Variants in PARVB observed in about 807,000 individuals in gnomAD.
PARVB encodes beta-parvin.
A neutral mutation model predicts 47.0 loss-of-function variants in PARVB; 46 were observed. The ratio of observed to expected loss-of-function variants is 0.98; its 90% CI spans 0.77 to 1.25. The LOEUF is 1.25. PARVB is among the 50% of genes most tolerant of loss of function. The probability of loss-of-function intolerance (pLI) is 0.00; values close to 1 mark genes in which losing one functional copy is unlikely to be tolerated. For synonymous variants in PARVB, 196 were observed against 196.3 expected (o/e 1.00, Z 0.01); for missense variants, 473 against 471.6 (o/e 1.00, Z -0.03).
chr22:44,008,627 A>G (rs2050490954), intron 2 of PARVB, among the ~76,000 whole-genome samples: 1 of 152,144 alleles, frequency 6.6e-6, no homozygotes, highest in African/African-American at 2.4e-5. Context: ...TGGGTCTGCC[A>G]CTCTGAGGAC....
chr22:44,020,174 C>A (rs531081020), upstream of PARVB, among the ~76,000 whole-genome samples: 91 of 146,758 alleles, frequency 6.2e-4, no homozygotes, highest in African/African-American at 2.3e-3. Flanking sequence ...AGACAGTCAC[C>A]ACTTTTTTTT....
intron 1 of PARVB, among the ~76,000 whole-genome samples, chr22:44,087,459 G>A (rs1029402390): frequency 8.5e-5 from 13 of 152,224 alleles, no homozygotes; most frequent in Admixed American, 2.0e-4. Flanking sequence ...TCTTGGGCCC[G>A]TGATTGCAGG....
At chr22:44,168,479 A>C in intron 12 of PARVB, 123 bp from the exon 13 acceptor site, 1 of 697,460 alleles carries the variant, frequency 1.4e-6, no homozygotes, top group Non-Finnish European at 2.6e-6. Context: ...GCCAGTCTTT[A>C]AGGGGAAGCG....
chr22:44,025,360 C>T (rs192501489), intron 1 of PARVB, among the ~76,000 whole-genome samples: 3 of 152,226 alleles, frequency 2.0e-5, no homozygotes, highest in Admixed American at 2.0e-4. Flanking sequence ...GATGCAGGTC[C>T]CCCATTCATT....
chr22:44,060,581 G>A (rs1318311483), intron 1 of PARVB, among the ~76,000 whole-genome samples: 1 of 152,044 alleles, frequency 6.6e-6, no homozygotes, highest in Non-Finnish European at 1.5e-5. Context: ...CTGGGTAAAT[G>A]TCATCTAGTA....
Position 44,049,017 on chromosome 22 carries a change from A to T in PARVB, c.112+24566A>T, listed in dbSNP as rs2051162012. Among the ~76,000 whole-genome samples the T allele has an allele frequency of 6.6e-6, 1 of 152,138 alleles. No individual in the cohort carries two copies. Among genetic ancestry groups the T allele is most frequent in the Non-Finnish European group, 1.5e-5 (1 of 68,028 alleles). The stretch of plus-strand genomic sequence containing the variant: ...TTTCACTCCATTTTGCCGAGGAGGG[A>T]ACAGAAGTGTGGAGTCCTCCCAGCC... On this transcript the variant is annotated intron_variant, in intron 1 of 12. Transcript: ENST00000338758. This position sits in a 1 kb window ranked among gnomAD's most constrained non-coding sequence, Gnocchi z 4.0.
At chr22:44,116,948 G>A (rs2147119023) in intron 3 of PARVB, among the ~76,000 whole-genome samples, 1 of 152,290 alleles carries the variant, frequency 6.6e-6, no homozygotes, top group African/African-American at 2.4e-5. Flanking sequence ...GGGCAAGAGG[G>A]AGATGGGGAG....
intron 7 of PARVB, among the ~76,000 whole-genome samples, chr22:44,138,647 C>T (rs963814186): frequency 3.9e-5 from 6 of 152,214 alleles, no homozygotes; most frequent in Non-Finnish European, 8.8e-5. Flanking sequence ...CCTATCCAGT[C>T]TCAGTGTTCC....
At position 44,095,891 on chromosome 22, in the gene PARVB, G is replaced by A. The variant is rs372534075; in HGVS notation, c.202+1874G>A. 5.9e-5 allele frequency among the ~76,000 whole-genome samples: 9 copies of A among 152,196 alleles called. No homozygotes were observed. In the East Asian group the frequency reaches 1.3e-3, roughly 23 times the overall value. On this transcript the variant is annotated intron_variant, in intron 2 of 12. Transcript: ENST00000338758. Reference sequence around the variant, plus strand: ...AGAGCTGGTGATGCTGCCTGAGGTCGCACCAGGGTCCACGGGGCTTTCTCT... The same window carrying A: ...AGAGCTGGTGATGCTGCCTGAGGTCACACCAGGGTCCACGGGGCTTTCTCT...
intron 4 of PARVB, among the ~76,000 whole-genome samples, chr22:44,122,562 CAGAGAGAG>C (rs55865160): frequency 0.11 from 8,492 of 78,110 alleles, 408 homozygotes; most frequent in Middle Eastern, 0.14. Context: ...GACACAGAGA[CAGAGAGAG>C]AGAGAGAGAG....
intron 6 of PARVB, among the ~76,000 whole-genome samples, chr22:44,135,946 A>G (rs181805589): frequency 9.8e-5 from 15 of 152,302 alleles, no homozygotes; most frequent in Admixed American, 7.8e-4. Context: ...GGGGCTCACC[A>G]TAATCCATGA....
Position 44,095,490 on chromosome 22 carries a change from C to T in PARVB, c.202+1473C>T, listed in dbSNP as rs147985919. Among the ~76,000 whole-genome samples the T allele has an allele frequency of 1.2e-4, 18 of 148,116 alleles. No homozygotes were observed. The East Asian group carries it at 3.2e-3, about 26-fold the overall frequency. On this transcript the variant is annotated intron_variant, in intron 2 of 12. Transcript: ENST00000338758. ...CTGCACTCCAACCTGGGTGACAGAG[C>T]GAGACATCTCAAAGTAAAAAAAAAA... is the stretch of plus-strand genomic sequence containing the variant.
At chr22:44,137,588 G>A (rs2053464377) in intron 7 of PARVB, among the ~76,000 whole-genome samples, 2 of 152,162 alleles carry the variant, frequency 1.3e-5, no homozygotes, top group Non-Finnish European at 1.5e-5. Flanking sequence ...ATTTAGGCTG[G>A]GCTCAGCTGG....
At chr22:44,132,769 CT>C (rs1393427022) in intron 5 of PARVB, 124 bp from the exon 6 acceptor site, 2 of 621,276 alleles carry the variant, frequency 3.2e-6, no homozygotes, top group Non-Finnish European at 5.8e-6. Context: ...TTTGTCCACA[CT>C]TCGCTCCATC....
At chr22:44,119,951 C>A (rs565983134) in intron 4 of PARVB, 13 of 454,484 alleles carry the variant, frequency 2.9e-5, no homozygotes, top group African/African-American at 2.4e-4. Flanking sequence ...GCAGATGATG[C>A]ATGAGAGGAA....
At chr22:43,999,822 A>T (rs1309232543) in intron 2 of PARVB, 1 of 273,244 alleles carries the variant, frequency 3.7e-6, no homozygotes, top group Non-Finnish European at 6.8e-6. Flanking sequence ...CATAGTGAAA[A>T]CCCATCTATA....
chr22:44,059,704 G>A (rs551175416), intron 1 of PARVB, among the ~76,000 whole-genome samples: 24 of 152,186 alleles, frequency 1.6e-4, no homozygotes, highest in Non-Finnish European at 2.9e-4. Context: ...CGTACGTGGT[G>A]TTGATTGTCT....
chr22:44,110,603 A>C (rs1163367554), intron 3 of PARVB: 1 of 151,852 alleles, frequency 6.6e-6, no homozygotes, highest in Non-Finnish European at 1.5e-5. Context: ...TATTTTAATT[A>C]TTAATATTAT....
chr22:44,119,425 G>A (rs2052990986), intron 4 of PARVB, among the ~76,000 whole-genome samples: 1 of 152,356 alleles, frequency 6.6e-6, no homozygotes, highest in South Asian at 2.1e-4. Context: ...GGCCCACTTT[G>A]TGTCCCTGCC....
Sources: allele counts gnomAD v4.1 joint callset (sites outside exome capture counted in the v4.1 genomes callset), GRCh38; gene constraint gnomAD v4.1.1; non-coding constraint Gnocchi (gnomAD v3.1); transcripts MANE v1.5; gene names NCBI Gene and HGNC (gene_info 2026-07-23, HGNC 2026-07-21).